RBM25: variants seen among roughly 807,000 people sequenced by gnomAD.
RBM25 encodes RNA-binding protein 25.
Under a neutral mutation model 120.7 loss-of-function variants are expected in RBM25, and 19 were observed. The observed-to-expected ratio is 0.16, with a 90% CI of 0.11 to 0.23. RBM25 has a LOEUF of 0.23. RBM25 is among the 10% of genes least tolerant of loss of function. RBM25 has a pLI of 1.00. For missense variants in RBM25, 605 were observed against 1,041.5 expected (o/e 0.58, Z 5.77); for synonymous variants, 390 against 326.7 (o/e 1.19, Z -2.09).
At chr14:73,079,684 G>C (rs1456108963) in intron 4 of RBM25, among the ~76,000 whole-genome samples, 1 of 150,540 alleles carries the variant, frequency 6.6e-6, no homozygotes, top group Non-Finnish European at 1.5e-5. Flanking sequence ...CATGATTCTT[G>C]TTCCTCAACT....
At chr14:73,068,265 C>G in intron 1 of RBM25, 1 of 841,924 alleles carries the variant, frequency 1.2e-6, no homozygotes, top group Non-Finnish European at 2.0e-6. Flanking sequence ...ACCATTTAGA[C>G]CCCAATAGAT....
At chr14:73,059,447 T>G (rs1894947380) in intron 1 of RBM25, 1 of 152,208 alleles carries the variant, frequency 6.6e-6, no homozygotes, top group African/African-American at 2.4e-5. Flanking sequence ...ATCCTGCTTT[T>G]AAATACGGTT....
rs1236780896 is a variant in RBM25, at chr14:73,099,711, G to A, written c.828G>A (p.Leu276=). The A allele has an allele frequency of 6.2e-7, 1 of 1,608,488 alleles. No individual in the cohort carries two copies. The highest frequency in any genetic ancestry group is 1.1e-5 in the South Asian group (1 of 89,572). The change falls in exon 9 of 19, where the codon CTG becomes CTA. Residue 276 remains leucine (L), a synonymous_variant. Transcript: ENST00000261973. ...AAATGGAAGAAGACAAAAGAGACCT[G>A]ATATCTCGAGAGATCAGCAAATTCA... is the stretch of plus-strand genomic sequence containing the variant. ...AIEMEEDKRD[L]ISREISKFRD...
In RBM25 at chr14:73,088,400, C is replaced by G. The variant is rs894182994; in HGVS notation, c.543+239C>G. ...GATGAAAGTAGTAAGGGAGGCTGGA[C>G]AAGGTTAACTTGCCAGAGAAAGCAC... On this transcript the variant is annotated intron_variant, in intron 6 of 18. Coordinates refer to ENST00000261973, the MANE Select transcript of RBM25 (RefSeq NM_021239.3). 10 of 622,070 alleles carry G rather than the reference C, an allele frequency of 1.6e-5. No individual in the cohort carries two copies. In the African/African-American group the frequency reaches 1.6e-4, roughly 10 times the overall value. 38.5% of individuals were successfully genotyped at this position (622,070 alleles called of 1,614,324 possible). A position where few individuals can be genotyped will look rare whatever the true frequency, so the allele number is the denominator to read the frequency against.
At position 73,109,168 on chromosome 14, in the gene RBM25, A is replaced by G. The variant is rs927774940; in HGVS notation, c.1542-174A>G. 2.3e-5 allele frequency: 13 copies of G among 567,948 alleles called. No individual in the cohort carries two copies. In the South Asian group the frequency reaches 2.6e-4, roughly 11 times the overall value. 35.2% of individuals were successfully genotyped at this position (567,948 alleles called of 1,614,324 possible). A position where few individuals can be genotyped will look rare whatever the true frequency, so the allele number is the denominator to read the frequency against. The stretch of plus-strand genomic sequence containing the variant: ...AATGACAAGATAATGCTTGTTATAC[A>G]TTTACATGTAGAGAGCACACTCTGG... On this transcript the variant is annotated intron_variant, in intron 13 of 18. Transcript: ENST00000261973.
chr14:73,103,555 A>C, intron 10 of RBM25, 77 bp downstream of exon 10: 1 of 1,500,808 alleles, frequency 6.7e-7, no homozygotes, highest in Admixed American at 2.4e-5. Context: ...TACCATTTGC[A>C]TTCATGGAAT....
intron 3 of RBM25, among the ~76,000 whole-genome samples, chr14:73,076,653 G>A (rs7144753): frequency 0.086 from 13,010 of 152,118 alleles, 661 homozygotes; most frequent in Middle Eastern, 0.2. Flanking sequence ...TAGGACTTTG[G>A]CTCTTCATTG....
chr14:73,086,050 G>T (rs899931635), intron 5 of RBM25, among the ~76,000 whole-genome samples: 1 of 151,556 alleles, frequency 6.6e-6, no homozygotes, highest in African/African-American at 2.4e-5. Flanking sequence ...TTGTTCTAAG[G>T]TCATCTAGTA....
rs1566603597 is a variant in RBM25 at position 73,117,208 on chromosome 14, T to TTA, written c.2440-2504_2440-2503insAT. 2.4e-4 allele frequency among the ~76,000 whole-genome samples: 28 copies of TTA among 114,804 alleles called. 1 individual carries two copies. The highest frequency in any genetic ancestry group is 9.2e-4 in the African/African-American group (26 of 28,356). The allele number at this position is 114,804 out of a possible 152,430, so 75.3% of individuals were successfully genotyped here. A position where few individuals can be genotyped will look rare whatever the true frequency, so the allele number is the denominator to read the frequency against. ...TCTTTCTTTTAATTTCTTTCTTCTT[T>TTA]TCTTTTTTTTTTTTTTTTTTTTTTT... On this transcript the variant is annotated intron_variant, in intron 18 of 18. Transcript: ENST00000261973.
intron 1 of RBM25, among the ~76,000 whole-genome samples, chr14:73,060,098 G>T (rs928399860): frequency 6.6e-5 from 10 of 151,936 alleles, no homozygotes; most frequent in Non-Finnish European, 1.5e-4. Context: ...GGAGTGCGGT[G>T]GCGCGATCTT....
rs1895449618 is a variant in RBM25, at chr14:73,077,451, A to G, written c.239A>G (p.Asp80Gly). ...CCAGGCTTAAAGGCTAAAGAAAATG[A>G]TGAAAATTGTGGTCCTACTACCACT... ...DHPGLKAKEN[D>G]ENCGPTTTVF... is the part of the protein sequence containing the mutation. Residue 80 changes from aspartate (D) to glycine (G), a missense_variant, in exon 4 of 19, where the codon GAT becomes GGT. Transcript: ENST00000261973. 1.2e-6 allele frequency: 2 copies of G among 1,613,984 alleles called. No individual in the cohort carries two copies. Among genetic ancestry groups the G allele is most frequent in the Non-Finnish European group, 8.5e-7 (1 of 1,179,972 alleles).
intron 5 of RBM25, among the ~76,000 whole-genome samples, chr14:73,085,201 TAG>T (rs1294181689): frequency 6.6e-6 from 1 of 151,712 alleles, no homozygotes; most frequent in Non-Finnish European, 1.5e-5. Flanking sequence ...GTACTTTTAG[TAG>T]AGACAGGGTT....
intron 5 of RBM25, among the ~76,000 whole-genome samples, chr14:73,086,377 G>T (rs1466795536): frequency 6.6e-6 from 1 of 151,356 alleles, no homozygotes. Context: ...GGCAGAGTTT[G>T]CAGTGAGCCG....
intron 18 of RBM25, among the ~76,000 whole-genome samples, chr14:73,115,191 T>G (rs117323572): frequency 1.3e-4 from 20 of 148,698 alleles, no homozygotes; most frequent in Non-Finnish European, 2.7e-4. Context: ...TGTGTGTGTT[T>G]TAAGTCGGAT....
intron 9 of RBM25, chr14:73,102,290 G>C (rs890638156): frequency 2.6e-5 from 4 of 151,748 alleles, no homozygotes; most frequent in African/African-American, 9.7e-5. Context: ...TGGTAATCTT[G>C]TCAGGGTACA....
In RBM25 at chr14:73,097,232, A is replaced by C. The variant is rs214292; in HGVS notation, c.729+132A>C. 5.5e-4 allele frequency: 268 copies of C among 484,956 alleles called. 2 individuals are homozygous for C. The African/African-American group carries it at 0.011, about 20-fold the overall frequency. The allele number at this position is 484,956 out of a possible 1,614,324, so 30.0% of individuals were successfully genotyped here. Reference sequence around the variant, plus strand: ...TTTTTTTTTTTTGAGATGGAGGCTCACTTTGTCTCCCAGGCTGGAATGCAG... The same window carrying C: ...TTTTTTTTTTTTGAGATGGAGGCTCCCTTTGTCTCCCAGGCTGGAATGCAG... On this transcript the variant is annotated intron_variant, in intron 7 of 18. Coordinates refer to ENST00000261973, the MANE Select transcript of RBM25 (RefSeq NM_021239.3).
rs544211868 is a variant in RBM25, at chr14:73,107,132, C to T, written c.1468-694C>T. Among the ~76,000 whole-genome samples the T allele has an allele frequency of 4.6e-5, 7 of 152,274 alleles. No homozygotes were observed. The South Asian group carries it at 1.0e-3, about 23-fold the overall frequency. ...CTGGGATTACAGGCGTGTGCCACCA[C>T]GCCCAGCCATATTTTTTCGTTTAAT... On this transcript the variant is annotated intron_variant, in intron 12 of 18. Transcript: ENST00000261973.
At chr14:73,096,749 A>T (rs574705927) in intron 6 of RBM25, among the ~76,000 whole-genome samples, 166 bp from the exon 7 acceptor site, 2 of 152,338 alleles carry the variant, frequency 1.3e-5, no homozygotes, top group African/African-American at 2.4e-5. Flanking sequence ...ATAGTTAAAT[A>T]AAAAAATGAA....
intron 2 of RBM25, 109 bp from the exon 3 acceptor site, chr14:73,076,210 G>T: frequency 1.1e-6 from 1 of 912,532 alleles, no homozygotes. Context: ...ACTTTCATTT[G>T]TCTTATATTT....
Sources: allele counts gnomAD v4.1 joint callset (sites outside exome capture counted in the v4.1 genomes callset), GRCh38; gene constraint gnomAD v4.1.1; transcripts MANE v1.5; gene names NCBI Gene and HGNC (gene_info 2026-07-23, HGNC 2026-07-21).